The following P3H2 variants were observed in gnomAD, a reference collection of about 807,000 sequenced individuals.
The protein encoded by P3H2 is leprecan-like 1.
A neutral mutation model predicts 87.0 loss-of-function variants in P3H2; 80 were observed. The ratio of observed to expected loss-of-function variants is 0.92; its 90% confidence interval spans 0.77 to 1.11. P3H2 has a LOEUF of 1.11. Among genes scored for constraint, P3H2 ranks in the 50% least tolerant of loss-of-function variants. The pLI is 0.00. For synonymous variants in P3H2, 367 were observed against 359.3 expected (o/e 1.02, Z -0.24); for missense variants, 1,001 against 923.9 (o/e 1.08, Z -1.08).
At chr3:190,030,574 A>T (rs1326176619) in intron 1 of P3H2, among the ~76,000 whole-genome samples, 1 of 152,234 alleles carries the variant, frequency 6.6e-6, no homozygotes, top group African/African-American at 2.4e-5. Context: ...AAGTAATTAA[A>T]TGAATAAATA....
intron 6 of P3H2, among the ~76,000 whole-genome samples, chr3:189,985,746 T>C (rs1182110176): frequency 6.6e-6 from 1 of 151,830 alleles, no homozygotes; most frequent in African/African-American, 2.4e-5. Flanking sequence ...AGGACATAAT[T>C]CAATAGAGAA....
chr3:189,984,645 C>A, intron 6 of P3H2, 55 bp from the exon 7 acceptor site: 1 of 1,212,982 alleles, frequency 8.2e-7, no homozygotes, highest in Non-Finnish European at 1.2e-6. Flanking sequence ...TAAAACATCA[C>A]TTACAGAATT....
intron 1 of P3H2, among the ~76,000 whole-genome samples, chr3:190,103,163 G>A (rs1711694987): frequency 1.3e-5 from 2 of 152,140 alleles, no homozygotes; most frequent in Non-Finnish European, 2.9e-5. Flanking sequence ...AACCAAACCT[G>A]CAATATTTCT....
chr3:190,089,227 G>A (rs545603061), intron 1 of P3H2, among the ~76,000 whole-genome samples: 1 of 152,022 alleles, frequency 6.6e-6, no homozygotes, highest in African/African-American at 2.4e-5. Flanking sequence ...CGTGGGGCGG[G>A]GGAAGCGGGG....
At chr3:190,067,750 G>C (rs1199887312) in intron 1 of P3H2, among the ~76,000 whole-genome samples, 1 of 151,912 alleles carries the variant, frequency 6.6e-6, no homozygotes, top group Admixed American at 6.6e-5. Context: ...ATTTCTGGGG[G>C]GGAATATTTT....
intron 1 of P3H2, among the ~76,000 whole-genome samples, chr3:190,032,335 G>A (rs1175125363): frequency 6.6e-6 from 1 of 152,046 alleles, no homozygotes; most frequent in African/African-American, 2.4e-5. Flanking sequence ...TATATGAATT[G>A]CCTTAGGAGC....
At chr3:190,057,861 G>C (rs1359199716) in intron 1 of P3H2, among the ~76,000 whole-genome samples, 1 of 152,110 alleles carries the variant, frequency 6.6e-6, no homozygotes, top group Non-Finnish European at 1.5e-5. Context: ...AAGGAAGATG[G>C]GTGAGTTCTT....
chr3:189,964,094 G>C lies in P3H2; in HGVS notation c.1898C>G (p.Ser633Cys). The C allele has an allele frequency of 1.9e-6, 3 of 1,614,104 alleles. No homozygotes were observed. The highest frequency in any genetic ancestry group is 2.5e-6 in the Non-Finnish European group (3 of 1,179,962). Residue 633 changes from serine to cysteine, a missense_variant, in exon 14 of 15, where the codon TCT becomes TGT. Transcript: ENST00000319332. Reference protein sequence around the residue: ...TEMDAKTVTASIKPKCGRMIS... With the variant: ...TEMDAKTVTACIKPKCGRMIS... ...CATGCGCCCACATTTTGGTTTTATA[G>C]AGGCCTGAGAAAGAAAGCAAAAATT...
chr3:190,122,093 A>AAAAGAG (rs1712631404), upstream of P3H2: 1 of 148,880 alleles, frequency 6.7e-6, no homozygotes, highest in Admixed American at 6.6e-5. Context: ...AAACAAAAAA[A>AAAAGAG]ACAAAGAAAA....
chr3:190,015,993 G>C (rs549699794), intron 1 of P3H2, among the ~76,000 whole-genome samples: 8 of 152,246 alleles, frequency 5.3e-5, no homozygotes, highest in African/African-American at 1.9e-4. Flanking sequence ...TCTACTTCTT[G>C]ACTATTTCCC....
At chr3:189,968,003 T>C (rs1047699935) in intron 13 of P3H2, among the ~76,000 whole-genome samples, 20 of 152,236 alleles carry the variant, frequency 1.3e-4, no homozygotes, top group Admixed American at 1.2e-3. Flanking sequence ...ATAGCTTCTA[T>C]AATGCCAAAA....
chr3:189,987,704 CCTAGGT>C, intron 4 of P3H2, 35 bp from the exon 5 acceptor site: 1 of 1,613,612 alleles, frequency 6.2e-7, no homozygotes, highest in Non-Finnish European at 8.5e-7. Context: ...TTAGAGTCAG[CCTAGGT>C]CTGTCCAAAG....
At chr3:190,031,180 A>G (rs1254166180) in intron 1 of P3H2, among the ~76,000 whole-genome samples, 2 of 152,218 alleles carry the variant, frequency 1.3e-5, no homozygotes, top group African/African-American at 4.8e-5. Flanking sequence ...ATATATGCAG[A>G]TATTTCTAAT....
chr3:190,065,583 C>T (rs1354497575), intron 1 of P3H2, among the ~76,000 whole-genome samples: 1 of 152,042 alleles, frequency 6.6e-6, no homozygotes, highest in Admixed American at 6.6e-5. Flanking sequence ...GAATTACTTT[C>T]TAACTGAAGA....
At chr3:190,030,492 G>A (rs768601301) in intron 1 of P3H2, among the ~76,000 whole-genome samples, 2 of 152,158 alleles carry the variant, frequency 1.3e-5, no homozygotes, top group African/African-American at 4.8e-5. Context: ...GGAGGTCAAG[G>A]CTGCAGTGAG....
chr3:189,976,812 T>C (rs1358829013), intron 8 of P3H2, among the ~76,000 whole-genome samples: 1 of 152,198 alleles, frequency 6.6e-6, no homozygotes, highest in Non-Finnish European at 1.5e-5. Flanking sequence ...TTTATAAATA[T>C]GGAATTTTTG....
chr3:190,014,755 C>G (rs1724697812), intron 1 of P3H2, among the ~76,000 whole-genome samples: 1 of 152,088 alleles, frequency 6.6e-6, no homozygotes, highest in Non-Finnish European at 1.5e-5. Flanking sequence ...ATGGAAGCCT[C>G]TTTATCATTC....
intron 1 of P3H2, among the ~76,000 whole-genome samples, chr3:190,072,359 C>A (rs554354382): frequency 1.8e-4 from 28 of 152,230 alleles, no homozygotes; most frequent in Middle Eastern, 6.8e-3. Flanking sequence ...AACTTTAAGT[C>A]TCTTTTATTT....
At chr3:189,987,143 T>C (rs1228557688) in intron 5 of P3H2, among the ~76,000 whole-genome samples, 1 of 152,214 alleles carries the variant, frequency 6.6e-6, no homozygotes, top group African/African-American at 2.4e-5. Flanking sequence ...CAGTGTCATA[T>C]TTTTATCAAC....
Sources: gnomAD v4.1 joint callset for allele counts (sites outside exome capture counted in the v4.1 genomes callset) on GRCh38, gnomAD v4.1.1 for gene constraint, MANE v1.5 for transcripts, NCBI Gene and HGNC (gene_info 2026-07-23, HGNC 2026-07-21) for gene names.